PRMT8: variants seen among roughly 807,000 people sequenced by gnomAD.
The protein encoded by PRMT8 is protein arginine N-methyltransferase 8.
Under a neutral mutation model 47.1 loss-of-function variants are expected in PRMT8, and 7 were observed. The observed-to-expected ratio is 0.15, with a 90% CI of 0.08 to 0.28. The LOEUF (loss-of-function observed/expected upper bound fraction) is 0.28, where lower values mean the gene tolerates loss of function less well. PRMT8 is among the 10% of genes least tolerant of loss of function. PRMT8 has a pLI of 1.00. For synonymous variants in PRMT8, 188 were observed against 186.5 expected, an observed-to-expected ratio of 1.01 and a Z score of -0.07; for missense variants, 237 against 505.4, an observed-to-expected ratio of 0.47 and a Z score of 5.09.
At chr12:3,495,015 C>T (rs1193707158) in intron 1 of PRMT8, among the ~76,000 whole-genome samples, 3 of 152,170 alleles carry the variant, frequency 2.0e-5, no homozygotes, top group African/African-American at 7.2e-5. Context: ...ACCATTCTGC[C>T]AGCCTCTTCT....
intron 8 of PRMT8, among the ~76,000 whole-genome samples, chr12:3,584,079 C>T (rs960398756): frequency 6.6e-6 from 1 of 152,188 alleles, no homozygotes; most frequent in Non-Finnish European, 1.5e-5. Context: ...AATACCCAGG[C>T]TTGGGGGCTT....
At chr12:3,512,797 G>A (rs958770855) in intron 1 of PRMT8, among the ~76,000 whole-genome samples, 1 of 152,210 alleles carries the variant, frequency 6.6e-6, no homozygotes, top group Non-Finnish European at 1.5e-5. Flanking sequence ...GAATGAATAA[G>A]TAAATGAACT....
intron 1 of PRMT8, among the ~76,000 whole-genome samples, chr12:3,389,097 A>G (rs568729474): frequency 3.1e-4 from 47 of 152,286 alleles, no homozygotes; most frequent in African/African-American, 1.0e-3. Context: ...AGACCACTAC[A>G]TACATTCATA....
chr12:3,478,261 C>CATCT (rs760728898), intron 1 of PRMT8, among the ~76,000 whole-genome samples: 9,120 of 127,414 alleles, frequency 0.072, 297 homozygotes, highest in Admixed American at 0.083. Context: ...ATCCACCTAT[C>CATCT]ATCTATCTAT....
intron 1 of PRMT8, among the ~76,000 whole-genome samples, chr12:3,527,573 C>G (rs1865966524): frequency 1.3e-5 from 2 of 152,088 alleles, no homozygotes; most frequent in African/African-American, 2.4e-5. Flanking sequence ...TGTATAGAAA[C>G]CTTCAACGAT....
intron 2 of PRMT8, among the ~76,000 whole-genome samples, chr12:3,546,916 C>T (rs1184176753): frequency 6.6e-6 from 1 of 152,098 alleles, no homozygotes; most frequent in African/African-American, 2.4e-5. Context: ...TAGCAAAAAA[C>T]ACCCAGCAAT....
chr12:3,510,521 T>C (rs1865695006), intron 1 of PRMT8, among the ~76,000 whole-genome samples: 1 of 152,188 alleles, frequency 6.6e-6, no homozygotes, highest in African/African-American at 2.4e-5. Context: ...ATATTCCCTA[T>C]GAATATGTAC....
intron 4 of PRMT8, among the ~76,000 whole-genome samples, chr12:3,559,765 C>G (rs566878483): frequency 6.6e-6 from 1 of 152,212 alleles, no homozygotes; most frequent in Non-Finnish European, 1.5e-5. Context: ...TGCTGGGCAG[C>G]GTCCCACATG....
intron 4 of PRMT8, among the ~76,000 whole-genome samples, chr12:3,559,973 C>G (rs1866603654): frequency 6.6e-6 from 1 of 152,226 alleles, no homozygotes; most frequent in South Asian, 2.1e-4. Flanking sequence ...ACCTTTGTCC[C>G]CAAGGGAATA....
At position 3,583,306 on chromosome 12, in the gene PRMT8, G is replaced by A. The variant is rs760691798; in HGVS notation, c.979+98G>A. The A allele has an allele frequency of 4.0e-5, 55 of 1,368,496 alleles. No individual in the cohort carries two copies. Among genetic ancestry groups the A allele is most frequent in the Non-Finnish European group, 5.2e-5 (53 of 1,013,118 alleles). The allele number at this position is 1,368,496 out of a possible 1,614,324, so 84.8% of individuals were successfully genotyped here. A position where few individuals can be genotyped will look rare whatever the true frequency, so the allele number is the denominator to read the frequency against. Reference sequence around the variant, plus strand: ...GCTGGCCTTGACTTGGGGAGAAGGGGCTGGGTGTTAGCTGGGTGACACCTA... The same window carrying A: ...GCTGGCCTTGACTTGGGGAGAAGGGACTGGGTGTTAGCTGGGTGACACCTA... On this transcript the variant is annotated intron_variant, in intron 8 of 9. Transcript: ENST00000382622. The surrounding 1 kb of genome is among the most constrained non-coding windows in gnomAD (Gnocchi z 4.7).
chr12:3,529,267 TGG>T (rs200346783), intron 1 of PRMT8, among the ~76,000 whole-genome samples: 2,012 of 152,364 alleles, frequency 0.013, 17 homozygotes, highest in Middle Eastern at 0.065. Context: ...GGCAGTAAGC[TGG>T]GGTAATCTTA....
chr12:3,425,441 C>A (rs1296762201), intron 1 of PRMT8, among the ~76,000 whole-genome samples: 1 of 152,238 alleles, frequency 6.6e-6, no homozygotes, highest in Non-Finnish European at 1.5e-5. Flanking sequence ...GATTAAAACT[C>A]TAACTGCCAT....
intron 1 of PRMT8, among the ~76,000 whole-genome samples, chr12:3,469,586 G>A (rs1454337570): frequency 6.6e-6 from 1 of 152,104 alleles, no homozygotes; most frequent in East Asian, 1.9e-4. Context: ...AGTAAGGAGT[G>A]ACCGTTGGCC....
At chr12:3,565,855 T>A (rs968915322) in intron 4 of PRMT8, among the ~76,000 whole-genome samples, 5 of 152,208 alleles carry the variant, frequency 3.3e-5, no homozygotes, top group African/African-American at 1.2e-4. Context: ...GACTTGATGA[T>A]GGATTACTCC....
At chr12:3,422,399 A>G (rs1233618234) in intron 1 of PRMT8, among the ~76,000 whole-genome samples, 20 of 152,210 alleles carry the variant, frequency 1.3e-4, no homozygotes. Flanking sequence ...TGCAGACAAG[A>G]ACCCTTCAGA....
intron 4 of PRMT8, 41 bp from the exon 5 acceptor site, chr12:3,568,665 G>A (rs1456436094): frequency 1.9e-6 from 3 of 1,612,590 alleles, no homozygotes; most frequent in Middle Eastern, 3.3e-4. Context: ...TTCCTGGGTG[G>A]GGTCCCTGCA....
intron 5 of PRMT8, 74 bp downstream of exon 5, chr12:3,568,922 G>T: frequency 6.3e-7 from 1 of 1,585,534 alleles, no homozygotes; most frequent in Non-Finnish European, 8.6e-7. Flanking sequence ...CTGCAGCCTA[G>T]GAGGCATACG....
intron 1 of PRMT8, among the ~76,000 whole-genome samples, chr12:3,411,301 A>G (rs1427042373): frequency 6.6e-6 from 1 of 152,186 alleles, no homozygotes; most frequent in East Asian, 1.9e-4. Flanking sequence ...AGAGGCCTCA[A>G]ATTCTGGGTT....
At chr12:3,426,738 T>C (rs1309779826) in intron 1 of PRMT8, among the ~76,000 whole-genome samples, 1 of 152,220 alleles carries the variant, frequency 6.6e-6, no homozygotes, top group African/African-American at 2.4e-5. Flanking sequence ...TAAATTTTTC[T>C]TAGCTTTAAT....
Sources: allele counts gnomAD v4.1 joint callset (sites outside exome capture counted in the v4.1 genomes callset), GRCh38; gene constraint gnomAD v4.1.1; non-coding constraint Gnocchi (gnomAD v3.1); transcripts MANE v1.5; gene names NCBI Gene and HGNC (gene_info 2026-07-23, HGNC 2026-07-21).